Variants in MAMLD1 observed in about 807,000 individuals in gnomAD.
MAMLD1 encodes mastermind like domain containing 1, also known as mastermind-like domain-containing protein 1.
In MAMLD1, 14 loss-of-function variants were observed where a neutral mutation model predicts 45.0. The ratio of observed to expected loss-of-function variants is 0.31; its 90% CI spans 0.21 to 0.49. The LOEUF (loss-of-function observed/expected upper bound fraction) is 0.49. Among genes scored for constraint, MAMLD1 ranks in the 20% least tolerant of loss-of-function variants. The pLI is 0.99. For missense variants in MAMLD1, 543 were observed against 603.6 expected, an observed-to-expected ratio of 0.90 and a Z score of 1.05; for synonymous variants, 254 against 247.8, an observed-to-expected ratio of 1.02 and a Z score of -0.24.
chrX:150,493,513 C>G (rs1223846509), intron 5 of MAMLD1, among the ~76,000 whole-genome samples: 2 of 111,217 alleles, frequency 1.8e-5, no homozygotes, highest in Non-Finnish European at 3.8e-5. Context: ...ATAATAAAAC[C>G]AACAGTCATG....
intron 1 of MAMLD1, among the ~76,000 whole-genome samples, chrX:150,391,068 TTC>T (rs1557402164): frequency 8.9e-6 from 1 of 112,255 alleles, no homozygotes; most frequent in African/African-American, 3.2e-5. Context: ...TGTGCCATTA[TTC>T]TCTGATTGCT....
intron 2 of MAMLD1, among the ~76,000 whole-genome samples, chrX:150,460,147 G>A (rs782571521): frequency 8.9e-6 from 1 of 112,430 alleles, no homozygotes; most frequent in East Asian, 2.8e-4. Flanking sequence ...TGTGTGCCCT[G>A]GTCAGGGTGC....
At chrX:150,433,800 T>C (rs781829613) in intron 1 of MAMLD1, among the ~76,000 whole-genome samples, 50 of 111,956 alleles carry the variant, frequency 4.5e-4, no homozygotes, top group Non-Finnish European at 8.6e-4. Context: ...TGCTGCCGGA[T>C]TCAGTTTGCT....
At chrX:150,370,621 C>G (rs1211855644) in intron 1 of MAMLD1, among the ~76,000 whole-genome samples, 1 of 111,075 alleles carries the variant, frequency 9.0e-6, no homozygotes, top group Non-Finnish European at 1.9e-5. Flanking sequence ...TGCTGAAGCC[C>G]CAAGAGCATT....
rs782739148 is a variant in MAMLD1, at chrX:150,480,294, C to A, written c.2040+6492C>A. Among the ~76,000 whole-genome samples, 6 of 112,323 alleles carry A rather than the reference C, an allele frequency of 5.3e-5. No homozygotes were observed. In the South Asian group the frequency reaches 1.1e-3, roughly 21 times the overall value. On this transcript the variant is annotated intron_variant, in intron 5 of 7. Coordinates refer to ENST00000370401, the MANE Select transcript of MAMLD1 (RefSeq NM_005491.5). ...TAGAATGCTGGTTACATTTAAAGCA[C>A]CCTGCTCCCAGATCCAAAAGAAAGT...
intron 1 of MAMLD1, among the ~76,000 whole-genome samples, chrX:150,368,701 C>T (rs1235720267): frequency 8.9e-6 from 1 of 112,085 alleles, no homozygotes; most frequent in African/African-American, 3.2e-5. Flanking sequence ...TTAGGTCTCA[C>T]ATTTAAGTCT....
chrX:150,431,793 A>T (rs1485210620), intron 1 of MAMLD1, among the ~76,000 whole-genome samples: 1 of 110,195 alleles, frequency 9.1e-6, no homozygotes, highest in Non-Finnish European at 1.9e-5. Context: ...GTGTATATAT[A>T]CAACATTTTC....
At chrX:150,474,582 G>A (rs1170897553) in intron 5 of MAMLD1, among the ~76,000 whole-genome samples, 3 of 111,838 alleles carry the variant, frequency 2.7e-5, no homozygotes, top group African/African-American at 9.8e-5. Context: ...CACAAGCCAC[G>A]CTATCTCCAG....
upstream of MAMLD1, among the ~76,000 whole-genome samples, chrX:150,362,418 C>G (rs781818460): frequency 9.1e-6 from 1 of 109,861 alleles, no homozygotes; most frequent in African/African-American, 3.3e-5. Flanking sequence ...TCCCTCTCCT[C>G]CTCTCCTTAT....
rs1332006849 is a variant in MAMLD1 at position 150,430,764 on chromosome X, G to A, written c.-63-14690G>A. Among the ~76,000 whole-genome samples, 36 of 112,016 alleles carry A rather than the reference G, an allele frequency of 3.2e-4. No homozygotes were observed. The Admixed American group carries it at 3.4e-3, about 11-fold the overall frequency. ...GCTTTTGCACTTTTGTCAAAAATCA[G>A]TTTGGCGTATCTACGTGAGTCTATT... On this transcript the variant is annotated intron_variant, in intron 1 of 7. Transcript: ENST00000370401.
intron 1 of MAMLD1, among the ~76,000 whole-genome samples, chrX:150,412,795 G>T (rs1331646431): frequency 9.0e-6 from 1 of 110,595 alleles, no homozygotes; most frequent in Non-Finnish European, 1.9e-5. Context: ...ACAGCTCAGT[G>T]CAAACTCGAC....
chrX:150,428,920 C>T (rs897685786), intron 1 of MAMLD1, among the ~76,000 whole-genome samples: 16 of 111,751 alleles, frequency 1.4e-4, no homozygotes, highest in African/African-American at 4.9e-4. Context: ...CTCCGGGTGT[C>T]ACAAAGGGGG....
chrX:150,371,156 C>T, intron 1 of MAMLD1, among the ~76,000 whole-genome samples: 1 of 111,529 alleles, frequency 9.0e-6, no homozygotes, highest in East Asian at 2.8e-4. Context: ...TTCTGCACAG[C>T]CCAGTTGGAG....
chrX:150,508,502 G>A (rs953701523), intron 6 of MAMLD1, among the ~76,000 whole-genome samples: 7 of 112,166 alleles, frequency 6.2e-5, no homozygotes, highest in Admixed American at 4.7e-4. Context: ...CAGGCTAAGG[G>A]CGGGATAGAA....
chrX:150,398,348 AGG>A (rs2033600997), intron 1 of MAMLD1, among the ~76,000 whole-genome samples: 1 of 99,275 alleles, frequency 1.0e-5, no homozygotes, highest in African/African-American at 4.2e-5. Flanking sequence ...GAAGAGGAAG[AGG>A]AAGAGGAAGA....
intron 1 of MAMLD1, among the ~76,000 whole-genome samples, chrX:150,381,410 A>G (rs986197490): frequency 8.9e-6 from 1 of 112,171 alleles, no homozygotes; most frequent in East Asian, 2.8e-4. Flanking sequence ...AATTCAAAGC[A>G]GTTTTATCAA....
intron 5 of MAMLD1, among the ~76,000 whole-genome samples, chrX:150,482,970 G>A (rs2036867813): frequency 1.8e-5 from 2 of 112,202 alleles, no homozygotes; most frequent in East Asian, 2.8e-4. Context: ...TGGAAACACC[G>A]GGATGACTCA....
intron 1 of MAMLD1, among the ~76,000 whole-genome samples, chrX:150,428,650 A>G (rs1227253155): frequency 8.9e-6 from 1 of 112,174 alleles, no homozygotes; most frequent in Admixed American, 9.4e-5. Flanking sequence ...GCTTGGATTC[A>G]TCTAGAGGGA....
intron 6 of MAMLD1, chrX:150,504,065 G>A (rs1603032763): frequency 1.3e-6 from 1 of 754,210 alleles, no homozygotes; most frequent in Non-Finnish European, 1.6e-6. Context: ...TTGCCCTGCT[G>A]GAGGACTGGC....
Sources: allele counts gnomAD v4.1 joint callset (sites outside exome capture counted in the v4.1 genomes callset), GRCh38; gene constraint gnomAD v4.1.1; transcripts MANE v1.5; gene names NCBI Gene and HGNC (gene_info 2026-07-23, HGNC 2026-07-21).